Variants in TPM4 observed in about 807,000 individuals in gnomAD.
TPM4 encodes tropomyosin alpha-4 chain.
In TPM4, 17 loss-of-function variants were observed where a neutral mutation model predicts 35.8. The ratio of observed to expected loss-of-function variants is 0.47; its 90% confidence interval spans 0.32 to 0.71. The LOEUF (loss-of-function observed/expected upper bound fraction) is 0.71. Ranked by LOEUF, TPM4 falls within the 30% of genes least tolerant of loss-of-function variation. TPM4 has a pLI of 0.03. For missense variants in TPM4, 240 were observed against 320.9 expected, an observed-to-expected ratio of 0.75 and a Z score of 1.93; for synonymous variants, 120 against 122.9, an observed-to-expected ratio of 0.98 and a Z score of 0.15.
chr19:16,077,798 G>T (rs1431123829), intron 1 of TPM4, among the ~76,000 whole-genome samples: 3 of 152,142 alleles, frequency 2.0e-5, no homozygotes, highest in Non-Finnish European at 4.4e-5. Context: ...GTCTCACTCT[G>T]TCGCCCAGGC....
upstream of TPM4, chr19:16,075,870 T>C: frequency 1.1e-6 from 1 of 925,684 alleles, no homozygotes; most frequent in Non-Finnish European, 1.6e-6. Context: ...AAAATCCCAC[T>C]ATCAGGTAGC....
At chr19:16,083,024 T>C (rs1225093817) in intron 2 of TPM4, among the ~76,000 whole-genome samples, 2 of 143,374 alleles carry the variant, frequency 1.4e-5, no homozygotes, top group Non-Finnish European at 3.0e-5. Flanking sequence ...AGCAGAGTAC[T>C]GTGGAGAGGA....
Position 16,102,003 on chromosome 19 carries a change from T to C in TPM4, c.*657T>C, listed in dbSNP as rs1296833146. The C allele has an allele frequency of 4.7e-6, 1 of 214,940 alleles. No individual in the cohort carries two copies. The highest frequency in any genetic ancestry group is 2.3e-5 in the African/African-American group (1 of 44,258). The allele number at this position is 214,940 out of a possible 1,614,324, so 13.3% of individuals were successfully genotyped here. On this transcript the variant is annotated 3_prime_UTR_variant, in exon 8 of 8. Transcript: ENST00000643579. ...TTACCCACATATAGTAATTAATAGATGGTAATTAATTGATCCTTGATGTGA... is the reference window on the plus strand; with the variant it reads ...TTACCCACATATAGTAATTAATAGACGGTAATTAATTGATCCTTGATGTGA...
intron 2 of TPM4, among the ~76,000 whole-genome samples, chr19:16,068,659 TTG>T (rs1375528064): frequency 6.6e-6 from 1 of 152,310 alleles, no homozygotes; most frequent in East Asian, 1.9e-4. Flanking sequence ...GTACACATAT[TTG>T]TGTGTTTGAG....
At chr19:16,073,938 T>TAAAA (rs71178637), upstream of TPM4, among the ~76,000 whole-genome samples, 6,329 of 35,576 alleles carry the variant, frequency 0.18, 905 homozygotes, top group Non-Finnish European at 0.23. Context: ...GAAGACCATG[T>TAAAA]AAAAAAAAAA....
At chr19:16,098,298 C>T (rs1347786097) in intron 7 of TPM4, among the ~76,000 whole-genome samples, 3 of 151,974 alleles carry the variant, frequency 2.0e-5, no homozygotes, top group Admixed American at 2.0e-4. Context: ...CAAAAATTAG[C>T]CGGGCATGGT....
intron 1 of TPM4, 196 bp from the exon 2 acceptor site, chr19:16,081,717 G>A (rs1483551155): frequency 3.4e-6 from 2 of 581,720 alleles, no homozygotes; most frequent in African/African-American, 1.8e-5. Flanking sequence ...GCTATGGAGT[G>A]GTAGATGTTT....
chr19:16,101,643 G>A lies in TPM4; in HGVS notation c.*297G>A, dbSNP rs151083679. 3.2e-3 allele frequency: 1,010 copies of A among 318,568 alleles called. 23 individuals are homozygous for A. In the East Asian group the frequency reaches 0.032, roughly 10 times the overall value. 19.7% of individuals were successfully genotyped at this position (318,568 alleles called of 1,614,324 possible). On this transcript the variant is annotated 3_prime_UTR_variant, in exon 8 of 8. Transcript: ENST00000643579. ...CCTAGTAAGCATACTTTCTTAAGAC[G>A]GAGGCCATTTGGTTCCTGGGAGAAT...
intron 2 of TPM4, among the ~76,000 whole-genome samples, chr19:16,084,140 G>T (rs112922449): frequency 6.6e-6 from 1 of 152,158 alleles, no homozygotes; most frequent in East Asian, 1.9e-4. Flanking sequence ...TGTTAGCCAC[G>T]ATGTTCTCAA....
rs773242717 is a variant in TPM4 at position 16,067,596 on chromosome 19, C to T, written c.-29C>T. ...CAGCCCCCACAGAGCCCGCCGCGCA[C>T]CCCACGTCCCCCACGCCAGCGCCCA... On this transcript the variant is annotated 5_prime_UTR_variant, in exon 2 of 3. Transcript: ENST00000589897. This position sits in a 1 kb window ranked among gnomAD's most constrained non-coding sequence, Gnocchi z 4.1. 10 of 1,603,838 alleles carry T rather than the reference C, an allele frequency of 6.2e-6. No individual in the cohort carries two copies. The East Asian group carries it at 2.0e-4, about 32-fold the overall frequency.
At chr19:16,100,212 A>G (rs1340651990) in intron 7 of TPM4, 1 of 152,300 alleles carries the variant, frequency 6.6e-6, no homozygotes, top group South Asian at 2.1e-4. Flanking sequence ...TTAGATGCTT[A>G]CTTAAGTGAT....
rs71178641 is a variant in TPM4, at chr19:16,096,936, C to CTTTTTTTTTTTTT, written c.664+3205_664+3217dup. On this transcript the variant is annotated intron_variant, in intron 7 of 7. Coordinates refer to ENST00000643579, the MANE Select transcript of TPM4 (RefSeq NM_003290.3). ...GGAATATGGAGAAAACAAGGTCACT[C>CTTTTTTTTTTTTT]TTTTTTTTTTTTTTTTTTTTTTTTT... Among the ~76,000 whole-genome samples, 15 of 69,052 alleles carry CTTTTTTTTTTTTT rather than the reference C, an allele frequency of 2.2e-4. 2 individuals are homozygous for CTTTTTTTTTTTTT. Among genetic ancestry groups the CTTTTTTTTTTTTT allele is most frequent in the African/African-American group, 7.2e-4 (13 of 18,022 alleles). 45.3% of individuals were successfully genotyped at this position (69,052 alleles called of 152,430 possible).
chr19:16,092,187 A>AAAAG (rs1555710481), intron 5 of TPM4, among the ~76,000 whole-genome samples: 1 of 151,854 alleles, frequency 6.6e-6, no homozygotes, highest in Non-Finnish European at 1.5e-5. Context: ...GAAAAAAAAA[A>AAAAG]AAAAGAAAAG....
intron 2 of TPM4, among the ~76,000 whole-genome samples, chr19:16,082,612 G>C (rs1043049519): frequency 6.6e-6 from 1 of 152,210 alleles, no homozygotes. Context: ...CTGCAAGTAT[G>C]ACTGTCCATG....
chr19:16,091,347 C>T (rs2090624248), intron 5 of TPM4, among the ~76,000 whole-genome samples: 2 of 152,154 alleles, frequency 1.3e-5, no homozygotes, highest in Admixed American at 1.3e-4. Context: ...CCACTGTGCC[C>T]AGCCTGGCAT....
chr19:16,091,493 G>A (rs145452806), intron 5 of TPM4, among the ~76,000 whole-genome samples: 2 of 152,306 alleles, frequency 1.3e-5, no homozygotes, highest in African/African-American at 4.8e-5. Flanking sequence ...AACAGCTGTA[G>A]GTCCAGCACG....
rs772093244 is a variant in TPM4, at chr19:16,086,540, G to A, written c.384G>A (p.Glu128=). 1 of 1,611,558 alleles carries A rather than the reference G, an allele frequency of 6.2e-7. No individual in the cohort carries two copies. The highest frequency in any genetic ancestry group is 1.3e-5 in the African/African-American group (1 of 74,982). ...AAGAGGCTGACCGCAAATACGAGGAGGTGAGTGGGGCTGGCAGATGGCGCA... is the reference window on the plus strand; with the variant it reads ...AAGAGGCTGACCGCAAATACGAGGAAGTGAGTGGGGCTGGCAGATGGCGCA... ...IAEEADRKYE[E]VARKLVILEG... is the part of the protein sequence containing the mutation. Residue 128 remains glutamate (E), a splice_region_variant and synonymous_variant, in exon 3 of 8, where the codon GAG becomes GAA. Coordinates refer to ENST00000643579, the MANE Select transcript of TPM4 (RefSeq NM_003290.3).
rs190553703 is a variant in TPM4, at chr19:16,093,737, A to C, written c.648A>C (p.Thr216=). 1.2e-6 allele frequency: 2 copies of C among 1,613,726 alleles called. No individual in the cohort carries two copies. Among genetic ancestry groups the C allele is most frequent in the African/African-American group, 2.7e-5 (2 of 75,002 alleles). Residue 216 remains threonine (T), a synonymous_variant, in exon 7 of 8, where the codon ACA becomes ACC. Coordinates refer to ENST00000643579, the MANE Select transcript of TPM4 (RefSeq NM_003290.3). ...GAACGGTTGCAAAACTGGAAAAGAC[A>C]ATTGATGACCTGGAAGGTATGAGGT... The part of the protein sequence containing the change: ...AERTVAKLEK[T]IDDLEEKLAQ...
At chr19:16,097,254 C>G (rs898159695) in intron 7 of TPM4, among the ~76,000 whole-genome samples, 2 of 150,984 alleles carry the variant, frequency 1.3e-5, no homozygotes, top group African/African-American at 4.9e-5. Flanking sequence ...TTGCCCGGCC[C>G]AGGCTATGCT....
Sources: allele counts gnomAD v4.1 joint callset (sites outside exome capture counted in the v4.1 genomes callset), GRCh38; gene constraint gnomAD v4.1.1; non-coding constraint Gnocchi (gnomAD v3.1); transcripts MANE v1.5; gene names NCBI Gene and HGNC (gene_info 2026-07-23, HGNC 2026-07-21).